Variants in ZNF257 observed in about 807,000 individuals in gnomAD.
ZNF257 encodes zinc finger protein 257.
In ZNF257, 12 loss-of-function variants were observed where a neutral mutation model predicts 11.9. The ratio of observed to expected loss-of-function variants is 1.01; its 90% CI spans 0.65 to 1.63. The LOEUF is 1.63. ZNF257 is among the 40% of genes most tolerant of loss of function. The probability of loss-of-function intolerance (pLI) is 0.00; values close to 1 mark genes in which losing one functional copy is unlikely to be tolerated. For synonymous variants in ZNF257, 183 were observed against 222.7 expected (o/e 0.82, Z 1.59); for missense variants, 580 against 665.5 (o/e 0.87, Z 1.41).
At chr19:22,070,171 T>C (rs1000942931) in intron 1 of ZNF257, among the ~76,000 whole-genome samples, 3 of 152,212 alleles carry the variant, frequency 2.0e-5, no homozygotes, top group Middle Eastern at 3.2e-3. Context: ...AAACCAGTGC[T>C]TGCAGAGACA....
At chr19:22,073,166 C>G (rs1445420478) in intron 2 of ZNF257, among the ~76,000 whole-genome samples, 1 of 152,020 alleles carries the variant, frequency 6.6e-6, no homozygotes, top group Non-Finnish European at 1.5e-5. Context: ...CATTGCTGAG[C>G]TGATCTGTAT....
At chr19:22,055,085 T>C (rs1482845770) in intron 1 of ZNF257, among the ~76,000 whole-genome samples, 1 of 152,164 alleles carries the variant, frequency 6.6e-6, no homozygotes, top group African/African-American at 2.4e-5. Flanking sequence ...TAGAGACACA[T>C]TGCTGTTAAG....
rs56802008 is a variant in ZNF257 at position 22,062,198 on chromosome 19, T to G, written c.3+9563T>G. Among the ~76,000 whole-genome samples the G allele has an allele frequency of 6.9e-3, 1,037 of 151,164 alleles. 12 individuals carry two copies. Among genetic ancestry groups the G allele is most frequent in the African/African-American group, 0.023 (957 of 41,050 alleles). The stretch of plus-strand genomic sequence containing the variant: ...GACTCAGCCTCCTGAGTAGCTAGGA[T>G]TGCAGGCACCCACCACTGCGCCTGC... On this transcript the variant is annotated intron_variant, in intron 1 of 3. Coordinates refer to ENST00000594947, the MANE Select transcript of ZNF257 (RefSeq NM_033468.4).
At chr19:22,086,649 T>C (rs1008482092) in intron 3 of ZNF257, among the ~76,000 whole-genome samples, 17 of 151,874 alleles carry the variant, frequency 1.1e-4, no homozygotes, top group African/African-American at 4.1e-4. Flanking sequence ...TTTTAGAAGG[T>C]CTTTTTTTTT....
chr19:22,089,272 ATTCATAC>A lies in ZNF257; in HGVS notation c.1524_1530del (p.Ile508MetfsTer90). 1 of 1,613,902 alleles carries A rather than the reference ATTCATAC, an allele frequency of 6.2e-7. No homozygotes were observed. Among genetic ancestry groups the A allele is most frequent in the Non-Finnish European group, 8.5e-7 (1 of 1,179,904 alleles). On this transcript the variant is annotated frameshift_variant, in exon 4 of 4. Coordinates refer to ENST00000594947, the MANE Select transcript of ZNF257 (RefSeq NM_033468.4). LOFTEE classifies it low-confidence loss of function (END_TRUNC). ...TTCACACCTTTCTCAACATAAGATA[ATTCATAC>A]TGGAGAGAAACCCTACAAATGTGAA...
At chr19:22,057,870 C>T (rs1300709823) in intron 1 of ZNF257, among the ~76,000 whole-genome samples, 2 of 152,170 alleles carry the variant, frequency 1.3e-5, no homozygotes, top group Non-Finnish European at 2.9e-5. Context: ...AGCGATTCTC[C>T]TGCCTCAGCC....
chr19:22,057,157 T>C (rs2021664045), intron 1 of ZNF257, among the ~76,000 whole-genome samples: 2 of 152,196 alleles, frequency 1.3e-5, no homozygotes, highest in Non-Finnish European at 1.5e-5. Context: ...ATACATTTAT[T>C]CTCTGAAAGG....
intron 3 of ZNF257, among the ~76,000 whole-genome samples, chr19:22,078,849 A>G (rs1453444225): frequency 1.3e-4 from 19 of 148,502 alleles, no homozygotes; most frequent in African/African-American, 4.8e-4. Context: ...CTGGAGTGCA[A>G]TGGTGCAATC....
intron 3 of ZNF257, among the ~76,000 whole-genome samples, chr19:22,078,237 A>T (rs1176036018): frequency 5.9e-4 from 21 of 35,708 alleles, no homozygotes; most frequent in Admixed American, 4.6e-3. Flanking sequence ...GACTCCAACT[A>T]AAAAAAAAAA....
intron 3 of ZNF257, among the ~76,000 whole-genome samples, chr19:22,085,850 G>A (rs950515859): frequency 1.3e-5 from 2 of 151,938 alleles, no homozygotes; most frequent in Non-Finnish European, 2.9e-5. Context: ...TATAGCTTGC[G>A]TAATACTATT....
intron 3 of ZNF257, among the ~76,000 whole-genome samples, chr19:22,080,867 T>C (rs2022341101): frequency 6.8e-6 from 1 of 146,286 alleles, no homozygotes; most frequent in African/African-American, 2.5e-5. Flanking sequence ...AATTATATTA[T>C]ATATCTATAT....
chr19:22,067,598 AG>A (rs1160748245), intron 1 of ZNF257, among the ~76,000 whole-genome samples: 79 of 152,084 alleles, frequency 5.2e-4, no homozygotes, highest in Non-Finnish European at 2.9e-5. Flanking sequence ...GCACTTTGGG[AG>A]GCTGAGGCAG....
At chr19:22,068,131 T>C (rs1191938540) in intron 1 of ZNF257, among the ~76,000 whole-genome samples, 5 of 151,938 alleles carry the variant, frequency 3.3e-5, no homozygotes, top group East Asian at 1.9e-4. Context: ...ACAAACATTT[T>C]TGTACCATCC....
chr19:22,078,880 C>T (rs138879560), intron 3 of ZNF257, among the ~76,000 whole-genome samples: 15 of 151,360 alleles, frequency 9.9e-5, no homozygotes, highest in Admixed American at 2.6e-4. Context: ...GCAGCCTCCA[C>T]CTCCCGGGTT....
Position 22,088,875 on chromosome 19 carries a change from A to G in ZNF257, c.1125A>G (p.Glu375=). The G allele has an allele frequency of 1.2e-6, 2 of 1,613,550 alleles. No individual in the cohort carries two copies. Among genetic ancestry groups the G allele is most frequent in the Non-Finnish European group, 1.7e-6 (2 of 1,179,760 alleles). ...IHTKEKPYKC[E]ECGKAFNRSS... ...CTAAAGAGAAACCCTACAAATGTGA[A>G]GAGTGTGGAAAAGCCTTTAACCGGT... Residue 375 remains glutamate (E), a synonymous_variant, in exon 4 of 4, where the codon GAA becomes GAG. Transcript: ENST00000594947.
In ZNF257 at chr19:22,059,788, T is replaced by C. The variant is rs184386401; in HGVS notation, c.3+7153T>C. Among the ~76,000 whole-genome samples the C allele has an allele frequency of 8.4e-4, 128 of 152,114 alleles. 3 individuals carry two copies. Among genetic ancestry groups the C allele is most frequent in the African/African-American group, 2.9e-3 (120 of 41,486 alleles). The stretch of plus-strand genomic sequence containing the variant: ...CCCAGGCTGAAGTGGAGTGGTGTGA[T>C]CTAGGTTCAATGAAGCCTCAATCTC... On this transcript the variant is annotated intron_variant, in intron 1 of 3. Transcript: ENST00000594947.
rs57092171 is a variant in ZNF257 at position 22,062,062 on chromosome 19, ATT to A, written c.3+9442_3+9443del. 6.4e-3 allele frequency among the ~76,000 whole-genome samples: 893 copies of A among 139,836 alleles called. 3 individuals are homozygous for A. The highest frequency in any genetic ancestry group is 0.02 in the African/African-American group (763 of 37,448). The allele number at this position is 139,836 out of a possible 152,430, so 91.7% of individuals were successfully genotyped here. On this transcript the variant is annotated intron_variant, in intron 1 of 3. Coordinates refer to ENST00000594947, the MANE Select transcript of ZNF257 (RefSeq NM_033468.4). ...TTGATTACACAGTATTTTGCTGAGG[ATT>A]TTTTTTTTTTTTTTGAGACAGAGAC... is the stretch of plus-strand genomic sequence containing the variant.
Position 22,089,547 on chromosome 19 carries a change from G to A in ZNF257, c.*105G>A. 1 of 1,489,682 alleles carries A rather than the reference G, an allele frequency of 6.7e-7. No homozygotes were observed. 92.3% of individuals were successfully genotyped at this position (1,489,682 alleles called of 1,614,324 possible). On this transcript the variant is annotated 3_prime_UTR_variant, in exon 4 of 4. Coordinates refer to ENST00000594947, the MANE Select transcript of ZNF257 (RefSeq NM_033468.4). ...CATAATAGAGAAACCCTACAAATGT[G>A]AAGAACGTGGCCTGGCTTTTAACAA...
rs558948929 is a variant in ZNF257 at position 22,083,259 on chromosome 19, C to CA, written c.227-4717dup. ...GCGACGTGGGTGGATAACCTTAGGTCAGCAGTTTGAGACCAGCCTGGCCAA... is the reference window on the plus strand; with the variant it reads ...GCGACGTGGGTGGATAACCTTAGGTCAAGCAGTTTGAGACCAGCCTGGCCAA... On this transcript the variant is annotated intron_variant, in intron 3 of 3. Transcript: ENST00000594947. 3.9e-3 allele frequency among the ~76,000 whole-genome samples: 601 copies of CA among 152,156 alleles called. 1 individual carries two copies. The highest frequency in any genetic ancestry group is 5.8e-3 in the Non-Finnish European group (397 of 68,008).
Sources: allele counts gnomAD v4.1 joint callset (sites outside exome capture counted in the v4.1 genomes callset), GRCh38; gene constraint gnomAD v4.1.1; transcripts MANE v1.5; gene names NCBI Gene and HGNC (gene_info 2026-07-23, HGNC 2026-07-21).